The following SLC16A7 variants were observed in gnomAD, a reference collection of about 807,000 sequenced individuals.
SLC16A7 encodes solute carrier family 16 member 7.
In SLC16A7, 33 loss-of-function variants were observed where a neutral mutation model predicts 34.9. That is an observed-to-expected ratio of 0.94 (90% CI 0.72 to 1.26). The LOEUF (loss-of-function observed/expected upper bound fraction) is 1.26, where lower values mean the gene tolerates loss of function less well. Among genes scored for constraint, SLC16A7 ranks in the 50% most tolerant of loss-of-function variants. The pLI, the probability that SLC16A7 is intolerant of heterozygous loss-of-function variation, is 0.00. For missense variants in SLC16A7, 573 were observed against 578.1 expected, an observed-to-expected ratio of 0.99 and a Z score of 0.09; for synonymous variants, 201 against 206.6, an observed-to-expected ratio of 0.97 and a Z score of 0.23.
rs374418975 is a variant in SLC16A7, at chr12:59,783,318, A to G, written c.*3639A>G. The G allele has an allele frequency of 4.6e-5, 7 of 152,312 alleles. No homozygotes were observed. Among genetic ancestry groups the G allele is most frequent in the East Asian group, 1.9e-4 (1 of 5,170 alleles). The allele number at this position is 152,312 out of a possible 1,614,324, so 9.4% of individuals were successfully genotyped here. A position where few individuals can be genotyped will look rare whatever the true frequency, so the allele number is the denominator to read the frequency against. ...TGCTTATGTAATGCCTTTCAATATG[A>G]AAACCAAAACCATGGCAGAATTATT... On this transcript the variant is annotated 3_prime_UTR_variant, in exon 6 of 6. Transcript: ENST00000547379.
In SLC16A7 at chr12:59,603,831, T is replaced by C. The variant is rs7301792; in HGVS notation, c.-130+7595T>C. On this transcript the variant is annotated intron_variant, in intron 1 of 5. Transcript: ENST00000547379. ...CTTTTATGTGTTGTTTTCATTATGTTCAATAAACCACCATCTATTATTTAA... is the reference window on the plus strand; with the variant it reads ...CTTTTATGTGTTGTTTTCATTATGTCCAATAAACCACCATCTATTATTTAA... Among the ~76,000 whole-genome samples the C allele has an allele frequency of 4.6e-3, 695 of 152,328 alleles. 6 individuals carry two copies. The highest frequency in any genetic ancestry group is 0.015 in the African/African-American group (639 of 41,574).
intron 2 of SLC16A7, among the ~76,000 whole-genome samples, chr12:59,683,918 A>G (rs1280326942): frequency 3.9e-5 from 6 of 152,228 alleles, no homozygotes; most frequent in African/African-American, 1.4e-4. Flanking sequence ...GAATATTATT[A>G]CATACCATTA....
At chr12:59,673,160 G>A (rs1276012062) in intron 2 of SLC16A7, among the ~76,000 whole-genome samples, 1 of 152,098 alleles carries the variant, frequency 6.6e-6, no homozygotes, top group Non-Finnish European at 1.5e-5. Context: ...TATTAAGCAT[G>A]TCAGAACGAT....
chr12:59,763,059 G>T (rs1374815767), intron 3 of SLC16A7, among the ~76,000 whole-genome samples: 1 of 151,676 alleles, frequency 6.6e-6, no homozygotes, highest in Non-Finnish European at 1.5e-5. Flanking sequence ...AAGACTACAT[G>T]GTTAAAATAT....
chr12:59,754,128 G>C (rs1026644460), intron 3 of SLC16A7, among the ~76,000 whole-genome samples: 4 of 152,130 alleles, frequency 2.6e-5, no homozygotes, highest in African/African-American at 9.7e-5. Flanking sequence ...GAAATTTATA[G>C]CACTAAATGC....
chr12:59,730,181 T>C (rs1876766374), intron 3 of SLC16A7, among the ~76,000 whole-genome samples: 3 of 149,494 alleles, frequency 2.0e-5, no homozygotes, highest in Non-Finnish European at 1.5e-5. Flanking sequence ...CCTCACTGTT[T>C]GCAGGGTTCT....
intron 3 of SLC16A7, among the ~76,000 whole-genome samples, chr12:59,754,658 A>G (rs1880064749): frequency 1.3e-5 from 2 of 152,304 alleles, no homozygotes; most frequent in South Asian, 2.1e-4. Context: ...ATGGATTCAC[A>G]GCCGAATTCT....
At chr12:59,669,524 T>G (rs1182414746) in intron 2 of SLC16A7, among the ~76,000 whole-genome samples, 1 of 152,164 alleles carries the variant, frequency 6.6e-6, no homozygotes, top group Non-Finnish European at 1.5e-5. Flanking sequence ...CTTCTCAGTT[T>G]CCATTTCAGA....
intron 2 of SLC16A7, among the ~76,000 whole-genome samples, chr12:59,672,140 ATG>A (rs753276468): frequency 1.8e-5 from 2 of 108,566 alleles, no homozygotes; most frequent in African/African-American, 3.6e-5. Flanking sequence ...ACGTATATAT[ATG>A]TGTATATATG....
chr12:59,779,289 T>G (rs1266749667), intron 5 of SLC16A7, 134 bp from the exon 6 acceptor site: 2 of 660,014 alleles, frequency 3.0e-6, no homozygotes, highest in Non-Finnish European at 4.8e-6. Context: ...TAATCTAGAT[T>G]TTTTTATTTT....
chr12:59,638,652 G>A (rs1405187808), intron 1 of SLC16A7, among the ~76,000 whole-genome samples: 4 of 152,152 alleles, frequency 2.6e-5, no homozygotes, highest in Admixed American at 6.5e-5. Flanking sequence ...GAAAAGGTTT[G>A]TGTAAGTTTC....
chr12:59,708,141 A>G (rs1873803168), intron 3 of SLC16A7, among the ~76,000 whole-genome samples: 3 of 152,140 alleles, frequency 2.0e-5, no homozygotes. Context: ...TTTCAGAAAC[A>G]TAGTAACTAT....
chr12:59,605,840 C>G (rs1206446185), intron 1 of SLC16A7, among the ~76,000 whole-genome samples: 2 of 152,112 alleles, frequency 1.3e-5, no homozygotes, highest in African/African-American at 2.4e-5. Context: ...ACTTTGAAGA[C>G]AGATAGATAT....
chr12:59,770,797 T>C (rs1882149520), intron 3 of SLC16A7, among the ~76,000 whole-genome samples: 1 of 152,230 alleles, frequency 6.6e-6, no homozygotes, highest in Non-Finnish European at 1.5e-5. Context: ...ATGGCATATG[T>C]ATGTGAATAC....
At chr12:59,715,776 G>T (rs939719334) in intron 3 of SLC16A7, among the ~76,000 whole-genome samples, 1 of 152,094 alleles carries the variant, frequency 6.6e-6, no homozygotes, top group Admixed American at 6.5e-5. Context: ...AATAATGAAG[G>T]TTGAATATAC....
At chr12:59,606,469 A>G (rs972744553) in intron 1 of SLC16A7, among the ~76,000 whole-genome samples, 3 of 152,188 alleles carry the variant, frequency 2.0e-5, no homozygotes, top group Non-Finnish European at 2.9e-5. Context: ...CAACATAATT[A>G]TTGATGTCAT....
At chr12:59,696,288 A>G (rs1872282020) in intron 2 of SLC16A7, 1 of 152,010 alleles carries the variant, frequency 6.6e-6, no homozygotes, top group Non-Finnish European at 1.5e-5. Context: ...TTTGCTAATT[A>G]TTAAAAGATG....
In SLC16A7 at chr12:59,774,993, T is replaced by C; in HGVS notation, c.698T>C (p.Val233Ala). The C allele has an allele frequency of 1.9e-6, 3 of 1,613,774 alleles. No homozygotes were observed. The highest frequency in any genetic ancestry group is 2.5e-6 in the Non-Finnish European group (3 of 1,179,790). ...IKTKKSTWEKVNKYLDFSLFK... is the reference protein window; with the variant it reads ...IKTKKSTWEKANKYLDFSLFK... ...ACGAAGAAATCAACTTGGGAAAAAG[T>C]TAATAAGTATTTAGATTTCTCCCTT... The change falls in exon 5 of 6, where the codon GTT becomes GCT. Residue 233 changes from valine to alanine, a missense_variant. Val to Ala is a moderately conservative substitution (Grantham distance 64). Transcript: ENST00000547379.
At chr12:59,662,365 G>T (rs2137031654) in intron 2 of SLC16A7, among the ~76,000 whole-genome samples, 1 of 151,976 alleles carries the variant, frequency 6.6e-6, no homozygotes, top group Middle Eastern at 3.4e-3. Context: ...CTATTCCAAG[G>T]GCACACAGGC....
Sources: allele counts gnomAD v4.1 joint callset (sites outside exome capture counted in the v4.1 genomes callset), GRCh38; gene constraint gnomAD v4.1.1; transcripts MANE v1.5; gene names NCBI Gene and HGNC (gene_info 2026-07-23, HGNC 2026-07-21).